Variants in CIAO2A observed in about 807,000 individuals in gnomAD.
CIAO2A encodes the protein MIP18 family protein FAM96A.
In CIAO2A, 17 loss-of-function variants were observed where a neutral mutation model predicts 22.4. The observed-to-expected ratio is 0.76, with a 90% CI of 0.52 to 1.14. CIAO2A has a LOEUF of 1.14. Among genes scored for constraint, CIAO2A ranks in the 50% most tolerant of loss-of-function variants. CIAO2A has a pLI of 0.00. For synonymous variants in CIAO2A, 74 were observed against 72.3 expected, an observed-to-expected ratio of 1.02 and a Z score of -0.12; for missense variants, 192 against 191.4, an observed-to-expected ratio of 1.00 and a Z score of -0.02.
At chr15:64,083,318 C>T (rs2140110902) in intron 2 of CIAO2A, among the ~76,000 whole-genome samples, 1 of 152,086 alleles carries the variant, frequency 6.6e-6, no homozygotes, top group South Asian at 2.1e-4. Context: ...GAGGTAGAAC[C>T]CAAACCTACA....
intron 1 of CIAO2A, among the ~76,000 whole-genome samples, chr15:64,093,400 G>C (rs2080859238): frequency 6.6e-6 from 1 of 152,040 alleles, no homozygotes; most frequent in African/African-American, 2.4e-5. Context: ...AAGACCTCTG[G>C]GTTCGGCTTG....
rs1055315992 is a variant in CIAO2A at position 64,089,945 on chromosome 15, A to G, written c.125-1094T>C. On this transcript the variant is annotated intron_variant, in intron 1 of 4. Transcript: ENST00000300030. ...TCTAGCAAGTGGTAAACTGTAGCAT[A>G]GAGTTTAAAACAGCATCAAAGCTAG... Among the ~76,000 whole-genome samples the G allele has an allele frequency of 2.0e-5, 3 of 152,238 alleles. No individual in the cohort carries two copies. The South Asian group carries it at 6.2e-4, about 31-fold the overall frequency.
intron 1 of CIAO2A, among the ~76,000 whole-genome samples, chr15:64,091,737 G>A (rs1246542686): frequency 6.6e-6 from 1 of 151,676 alleles, no homozygotes. Flanking sequence ...CTAGTTTCTA[G>A]ATTTGAGAGG....
At chr15:64,077,297 C>CAACAAAACAAAACAA (rs61363469) in intron 3 of CIAO2A, among the ~76,000 whole-genome samples, 72 of 150,502 alleles carry the variant, frequency 4.8e-4, no homozygotes, top group African/African-American at 1.4e-3. Flanking sequence ...GACTCCGTCT[C>CAACAAAACAAAACAA]AACAAAACAA....
intron 2 of CIAO2A, among the ~76,000 whole-genome samples, chr15:64,086,396 G>C (rs1375962929): frequency 2.0e-5 from 3 of 151,952 alleles, no homozygotes; most frequent in Admixed American, 6.6e-5. Context: ...TGGGTGACAA[G>C]AGTTAAACTC....
At chr15:64,093,551 C>A (rs1367953317) in intron 1 of CIAO2A, 94 bp downstream of exon 1, 3 of 1,368,862 alleles carry the variant, frequency 2.2e-6, no homozygotes, top group Non-Finnish European at 3.0e-6. Flanking sequence ...AAAGGTCTCC[C>A]CTCCCAGCCC....
At chr15:64,089,691 C>T (rs2080825039) in intron 1 of CIAO2A, among the ~76,000 whole-genome samples, 1 of 152,146 alleles carries the variant, frequency 6.6e-6, no homozygotes, top group South Asian at 2.1e-4. Context: ...GTGACATGGA[C>T]AACACTGTGC....
intron 3 of CIAO2A, among the ~76,000 whole-genome samples, chr15:64,078,650 A>AAAAG (rs1402383206): frequency 4.6e-5 from 7 of 151,618 alleles, no homozygotes; most frequent in African/African-American, 7.2e-5. Flanking sequence ...AAAAAAAAAA[A>AAAAG]AAAAAGAAAA....
chr15:64,075,602 G>T, intron 3 of CIAO2A, 65 bp from the exon 4 acceptor site: 1 of 1,007,458 alleles, frequency 9.9e-7, no homozygotes. Context: ...AGAGTGAAGT[G>T]GAATGTACAG....
intron 3 of CIAO2A, among the ~76,000 whole-genome samples, chr15:64,077,658 A>C (rs1213921696): frequency 6.6e-6 from 1 of 152,210 alleles, no homozygotes; most frequent in Non-Finnish European, 1.5e-5. Context: ...TTGAGGGACA[A>C]TCTATAAAAT....
At chr15:64,089,353 G>A (rs117277994) in intron 1 of CIAO2A, among the ~76,000 whole-genome samples, 7 of 152,042 alleles carry the variant, frequency 4.6e-5, no homozygotes, top group East Asian at 1.9e-4. Context: ...TGAGACCCCC[G>A]TCTCTACAAA....
At chr15:64,078,939 G>T (rs1268252938) in intron 3 of CIAO2A, among the ~76,000 whole-genome samples, 1 of 151,952 alleles carries the variant, frequency 6.6e-6, no homozygotes, top group Non-Finnish European at 1.5e-5. Context: ...TACTTGGGAG[G>T]GTAAGGAGGG....
intron 4 of CIAO2A, chr15:64,075,234 C>T (rs1328092917): frequency 3.2e-6 from 1 of 310,312 alleles, no homozygotes; most frequent in Non-Finnish European, 5.9e-6. Flanking sequence ...AGGTCCCCAG[C>T]ACTGGATATT....
chr15:64,088,501 T>G (rs1441089930), intron 2 of CIAO2A, among the ~76,000 whole-genome samples, 186 bp downstream of exon 2: 1 of 152,160 alleles, frequency 6.6e-6, no homozygotes, highest in Non-Finnish European at 1.5e-5. Flanking sequence ...TAATAATATT[T>G]TAACTCAACA....
intron 1 of CIAO2A, among the ~76,000 whole-genome samples, chr15:64,089,097 A>C (rs1460746806): frequency 6.6e-6 from 1 of 152,226 alleles, no homozygotes; most frequent in African/African-American, 2.4e-5. Flanking sequence ...ATAAGAATGG[A>C]AACAGTGTCA....
intron 2 of CIAO2A, among the ~76,000 whole-genome samples, chr15:64,081,726 A>G (rs1243121052): frequency 6.6e-6 from 1 of 151,862 alleles, no homozygotes; most frequent in Non-Finnish European, 1.5e-5. Context: ...TTTGGTACAG[A>G]TGGGGTTTCA....
chr15:64,079,039 T>A (rs1032939070), intron 3 of CIAO2A, among the ~76,000 whole-genome samples: 8 of 150,454 alleles, frequency 5.3e-5, no homozygotes, highest in Non-Finnish European at 1.5e-5. Flanking sequence ...AGACCCTGTC[T>A]TTAAAAAAAA....
chr15:64,076,435 T>G (rs1226453660), intron 3 of CIAO2A, among the ~76,000 whole-genome samples: 1 of 152,168 alleles, frequency 6.6e-6, no homozygotes, highest in Non-Finnish European at 1.5e-5. Flanking sequence ...CATGCTAAAT[T>G]TATTCTCAAG....
At chr15:64,087,084 CTTTTTTTTT>C (rs766247330) in intron 2 of CIAO2A, among the ~76,000 whole-genome samples, 3 of 76,062 alleles carry the variant, frequency 3.9e-5, no homozygotes, top group Non-Finnish European at 7.2e-5. Context: ...GCTAATTTTG[CTTTTTTTTT>C]TTTTTTTTTT....
Sources: allele counts gnomAD v4.1 joint callset (sites outside exome capture counted in the v4.1 genomes callset), GRCh38; gene constraint gnomAD v4.1.1; transcripts MANE v1.5; gene names NCBI Gene and HGNC (gene_info 2026-07-23, HGNC 2026-07-21).